The following CELSR2 variants were observed in gnomAD, a reference collection of about 807,000 sequenced individuals.
The protein encoded by CELSR2 is EGF-like protein 2.
Under a neutral mutation model 251.6 loss-of-function variants are expected in CELSR2, and 81 were observed. The ratio of observed to expected loss-of-function variants is 0.32; its 90% confidence interval spans 0.27 to 0.39. The LOEUF (loss-of-function observed/expected upper bound fraction) is 0.39. Ranked by LOEUF, CELSR2 falls within the 10% of genes least tolerant of loss-of-function variation. The pLI is 1.00. For missense variants in CELSR2, 3,365 were observed against 3,947.7 expected (o/e 0.85, Z 3.96); for synonymous variants, 1,721 against 1,670.5 (o/e 1.03, Z -0.74).
rs1375444156 is a variant in CELSR2 at position 109,273,753 on chromosome 1, G to C, written c.8744+83G>C. ...CCAGAGCTGCCTCCGGGCCTCCCCA[G>C]GTGACTCTGGATGGCATTTGGAGGA... On this transcript the variant is annotated intron_variant, in intron 33 of 33. Transcript: ENST00000271332. 2.6e-6 allele frequency: 3 copies of C among 1,156,254 alleles called. No homozygotes were observed. The East Asian group carries it at 7.7e-5, about 30-fold the overall frequency. The allele number at this position is 1,156,254 out of a possible 1,614,324, so 71.6% of individuals were successfully genotyped here. A position where few individuals can be genotyped will look rare whatever the true frequency, so the allele number is the denominator to read the frequency against.
intron 1 of CELSR2, among the ~76,000 whole-genome samples, chr1:109,255,698 C>T (rs1557728619): frequency 6.6e-6 from 1 of 152,230 alleles, no homozygotes; most frequent in East Asian, 1.9e-4. Flanking sequence ...CCCAGCTGTT[C>T]CTTTTCTGTC....
In CELSR2 at chr1:109,268,636, A is replaced by C; in HGVS notation, c.6374A>C (p.Glu2125Ala). 6.2e-7 allele frequency: 1 copy of C among 1,613,900 alleles called. No homozygotes were observed. The highest frequency in any genetic ancestry group is 8.5e-7 in the Non-Finnish European group (1 of 1,179,966). ...GACACAGCCAACAAGCGGCACTGGGAGCTGATCCAGCAGACAGAGGGTGGC... is the reference window on the plus strand; with the variant it reads ...GACACAGCCAACAAGCGGCACTGGGCGCTGATCCAGCAGACAGAGGGTGGC... ...LLDTANKRHWELIQQTEGGTA... is the reference protein window; with the variant it reads ...LLDTANKRHWALIQQTEGGTA... The change falls in exon 18 of 34, where the codon GAG (glutamate) becomes GCG (alanine). Residue 2125 changes from glutamate to alanine, a missense_variant. Coordinates refer to ENST00000271332, the MANE Select transcript of CELSR2 (RefSeq NM_001408.3).
chr1:109,250,856 C>A lies in CELSR2; in HGVS notation c.777C>A (p.Val259=). Reference sequence around the variant, plus strand: ...CCAAGAGCACCCACGTCTTCAGGGTCACGGCGCAGGACCACGGCATGCCCC... The same window carrying A: ...CCAAGAGCACCCACGTCTTCAGGGTAACGGCGCAGGACCACGGCATGCCCC... ...RETKSTHVFR[V]TAQDHGMPRR... is the part of the protein sequence containing the mutation. The change falls in exon 1 of 34, where the codon GTC becomes GTA. Residue 259 remains valine (V), a synonymous_variant. Transcript: ENST00000271332. The surrounding 1 kb of genome is among the most constrained non-coding windows in gnomAD (Gnocchi z 4.4). 1 of 1,614,044 alleles carries A rather than the reference C, an allele frequency of 6.2e-7. No homozygotes were observed. The highest frequency in any genetic ancestry group is 8.5e-7 in the Non-Finnish European group (1 of 1,180,038).
chr1:109,269,204 G>C lies in CELSR2; in HGVS notation c.6726G>C (p.Gln2242His). The C allele has an allele frequency of 6.2e-7, 1 of 1,612,812 alleles. No individual in the cohort carries two copies. The highest frequency in any genetic ancestry group is 8.5e-7 in the Non-Finnish European group (1 of 1,179,838). Reference sequence around the variant, plus strand: ...AGCGACGGCACCCGGAGCTGAGCCAGGGTGAGGCTGTGGCCAGCGTCATCA... The same window carrying C: ...AGCGACGGCACCCGGAGCTGAGCCACGGTGAGGCTGTGGCCAGCGTCATCA... ...RRQRRHPELS[Q>H]GEAVASVIIY... Residue 2242 changes from glutamine (Q) to histidine (H), a missense_variant, in exon 20 of 34, where the codon CAG becomes CAC. This residue lies in a region of CELSR2 where 2,093 missense variants were observed against 2,382.8 expected (regional missense o/e 0.88). Transcript: ENST00000271332. The surrounding 1 kb of genome is among the most constrained non-coding windows in gnomAD (Gnocchi z 6.4).
chr1:109,252,075 C>G lies in CELSR2; in HGVS notation c.1996C>G (p.Leu666Val). Reference sequence around the variant, plus strand: ...CATCACCAGCCAAAGTGGTGGTGGGCTGGTATCCCTTGCCCTGCCACTGGA... The same window carrying G: ...CATCACCAGCCAAAGTGGTGGTGGGGTGGTATCCCTTGCCCTGCCACTGGA... The part of the protein sequence containing the change: ...FSITSQSGGG[L>V]VSLALPLDYK... The change falls in exon 1 of 34, where the codon CTG (leucine) becomes GTG (valine). Residue 666 changes from leucine to valine, a missense_variant. By Grantham distance (32) the Leu-to-Val change is conservative (BLOSUM62 1). Around this residue, in one of 5 missense-constraint regions of CELSR2, gnomAD observed 60 missense variants for 104.8 expected, o/e 0.57. Coordinates refer to ENST00000271332, the MANE Select transcript of CELSR2 (RefSeq NM_001408.3). The surrounding 1 kb of genome is among the most constrained non-coding windows in gnomAD (Gnocchi z 4.8). The G allele has an allele frequency of 6.2e-7, 1 of 1,613,936 alleles. No homozygotes were observed. The highest frequency in any genetic ancestry group is 2.2e-5 in the East Asian group (1 of 44,898).
In CELSR2 at chr1:109,250,128, C is replaced by T; in HGVS notation, c.49C>T (p.Leu17=). 6.3e-7 allele frequency: 1 copy of T among 1,588,318 alleles called. No individual in the cohort carries two copies. The highest frequency in any genetic ancestry group is 2.4e-5 in the East Asian group (1 of 42,460). ...CCCCCTCCCAACGCCGCCGCCGCCG[C>T]TGCTGCTGCTGTTGCTGCTGCTGCT... ...GVPLPTPPPP[L]LLLLLLLLPP... is the part of the protein sequence containing the mutation. The change falls in exon 1 of 34, where the codon CTG becomes TTG. Residue 17 remains leucine (L), a synonymous_variant. Coordinates refer to ENST00000271332, the MANE Select transcript of CELSR2 (RefSeq NM_001408.3). This position sits in a 1 kb window ranked among gnomAD's most constrained non-coding sequence, Gnocchi z 4.4.
rs1189122820 is a variant in CELSR2 at position 109,265,002 on chromosome 1, G to A, written c.5599G>A (p.Glu1867Lys). 8 of 1,614,180 alleles carry A rather than the reference G, an allele frequency of 5.0e-6. No individual in the cohort carries two copies. Among genetic ancestry groups the A allele is most frequent in the South Asian group, 4.4e-5 (4 of 91,084 alleles). Reference protein sequence around the residue: ...CPPNYLGPYCETRIDQPCPRG... With the variant: ...CPPNYLGPYCKTRIDQPCPRG... Reference sequence around the variant, plus strand: ...CCCAAATTACCTTGGGCCATACTGTGAGACCAGGTAAGCAGACCAGGGCAT... The same window carrying A: ...CCCAAATTACCTTGGGCCATACTGTAAGACCAGGTAAGCAGACCAGGGCAT... The change falls in exon 12 of 34, where the codon GAG becomes AAG. Residue 1867 changes from glutamate to lysine, a missense_variant. Physicochemically the swap from Glu to Lys is moderately conservative, Grantham distance 56. Transcript: ENST00000271332.
chr1:109,262,992 C>G lies in CELSR2; in HGVS notation c.4708+23C>G, dbSNP rs899164199. ...CTGGTATGGGGGCCCGGGGTGGAGC[C>G]AGGCTGGGATCCCAGTGCTGAGAGG... On this transcript the variant is annotated intron_variant, in intron 7 of 33. Coordinates refer to ENST00000271332, the MANE Select transcript of CELSR2 (RefSeq NM_001408.3). 4 of 1,606,814 alleles carry G rather than the reference C, an allele frequency of 2.5e-6. No homozygotes were observed. In the African/African-American group the frequency reaches 5.3e-5, roughly 21 times the overall value.
Position 109,261,403 on chromosome 1 carries a change from G to T in CELSR2, c.4182-110G>T. The stretch of plus-strand genomic sequence containing the variant: ...CAGAGCCAGGTCTGCTCTTGGAGTT[G>T]CCTGTGGTTCTGCCAGCAGATCTCC... On this transcript the variant is annotated intron_variant, in intron 3 of 33. Coordinates refer to ENST00000271332, the MANE Select transcript of CELSR2 (RefSeq NM_001408.3). This position sits in a 1 kb window ranked among gnomAD's most constrained non-coding sequence, Gnocchi z 4.8. The T allele has an allele frequency of 1.5e-6, 2 of 1,351,372 alleles. No individual in the cohort carries two copies. The highest frequency in any genetic ancestry group is 1.1e-6 in the Non-Finnish European group (1 of 948,366). The allele number at this position is 1,351,372 out of a possible 1,614,324, so 83.7% of individuals were successfully genotyped here.
chr1:109,261,480 C>T lies in CELSR2; in HGVS notation c.4182-33C>T, dbSNP rs758037639. 5 of 1,589,398 alleles carry T rather than the reference C, an allele frequency of 3.1e-6. No individual in the cohort carries two copies. The highest frequency in any genetic ancestry group is 2.2e-5 in the South Asian group (2 of 90,554). On this transcript the variant is annotated intron_variant, in intron 3 of 33. Transcript: ENST00000271332. This position sits in a 1 kb window ranked among gnomAD's most constrained non-coding sequence, Gnocchi z 4.8. ...GGTGCTGGCATCCAGGTGGGTACCC[C>T]ATTCCCTGCCCCCATCCCCAACTCC... is the stretch of plus-strand genomic sequence containing the variant.
rs1171817938 is a variant in CELSR2 at position 109,251,242 on chromosome 1, C to G, written c.1163C>G (p.Ser388Cys). 1.2e-6 allele frequency: 2 copies of G among 1,613,990 alleles called. No homozygotes were observed. The highest frequency in any genetic ancestry group is 2.7e-5 in the African/African-American group (2 of 74,918). The change falls in exon 1 of 34, where the codon TCT (serine) becomes TGT (cysteine). Residue 388 changes from serine (S) to cysteine (C), a missense_variant. Coordinates refer to ENST00000271332, the MANE Select transcript of CELSR2 (RefSeq NM_001408.3). The surrounding 1 kb of genome is among the most constrained non-coding windows in gnomAD (Gnocchi z 4.9). ...AGTACCACAGCCGCTGTTTTCCTTT[C>G]TGTGGAGGATGACAATGATAATGCC... ...PRSTTAAVFL[S>C]VEDDNDNAPQ... is the part of the protein sequence containing the mutation.
chr1:109,252,252 C>T lies in CELSR2; in HGVS notation c.2173C>T (p.Arg725Trp), dbSNP rs1439941665. 3.1e-6 allele frequency: 5 copies of T among 1,613,370 alleles called. No homozygotes were observed. The highest frequency in any genetic ancestry group is 1.7e-5 in the Admixed American group (1 of 60,012). Residue 725 changes from arginine (R) to tryptophan (W), a missense_variant, in exon 1 of 34, where the codon CGG becomes TGG. Coordinates refer to ENST00000271332, the MANE Select transcript of CELSR2 (RefSeq NM_001408.3). This position sits in a 1 kb window ranked among gnomAD's most constrained non-coding sequence, Gnocchi z 4.8. ...SHYTVNVNED[R>W]PAGTTVVLIS... ...CTATACAGTGAATGTTAATGAGGACCGGCCGGCAGGCACCACGGTGGTGCT... is the reference window on the plus strand; with the variant it reads ...CTATACAGTGAATGTTAATGAGGACTGGCCGGCAGGCACCACGGTGGTGCT...
In CELSR2 at chr1:109,270,468, C is replaced by A; in HGVS notation, c.7351C>A (p.Leu2451Ile). ...VIAILLHFLYLCTFSWALLEA... is the reference protein window; with the variant it reads ...VIAILLHFLYICTFSWALLEA... ...TGCCATCCTGCTGCACTTCCTGTAC[C>A]TCTGCACCTTTTCCTGGGCTCTGCT... Residue 2451 changes from leucine to isoleucine, a missense_variant, in exon 24 of 34, where the codon CTC becomes ATC. Physicochemically the swap from Leu to Ile is conservative, Grantham distance 5. Around this residue, in one of 5 missense-constraint regions of CELSR2, gnomAD observed 2,093 missense variants for 2,382.8 expected, o/e 0.88. Transcript: ENST00000271332. The A allele has an allele frequency of 6.2e-7, 1 of 1,614,244 alleles. No homozygotes were observed. The highest frequency in any genetic ancestry group is 8.5e-7 in the Non-Finnish European group (1 of 1,180,044).
rs780762742 is a variant in CELSR2, at chr1:109,259,078, G to A, written c.3957G>A (p.Thr1319=). 6 of 1,573,974 alleles carry A rather than the reference G, an allele frequency of 3.8e-6. No individual in the cohort carries two copies. Among genetic ancestry groups the A allele is most frequent in the Middle Eastern group, 1.7e-4 (1 of 5,982 alleles). ...CCTGCCTCTGTCGTGATGGCTACAC[G>A]GGTGAGCCAAGGGAGGGGACTCATG... The part of the protein sequence containing the change: ...GYTCLCRDGY[T]GEHCEVSARS... Residue 1319 remains threonine, a splice_region_variant and synonymous_variant, in exon 2 of 34, where the codon ACG becomes ACA. Coordinates refer to ENST00000271332, the MANE Select transcript of CELSR2 (RefSeq NM_001408.3).
rs376736015 is a variant in CELSR2, at chr1:109,252,432, A to G, written c.2353A>G (p.Ile785Val). 4 of 1,613,414 alleles carry G rather than the reference A, an allele frequency of 2.5e-6. No homozygotes were observed. In the African/African-American group the frequency reaches 4.0e-5, roughly 16 times the overall value. Residue 785 changes from isoleucine to valine, a missense_variant, in exon 1 of 34, where the codon ATT becomes GTT. By Grantham distance (29) the Ile-to-Val change is conservative. Around this residue, in one of 5 missense-constraint regions of CELSR2, gnomAD observed 505 missense variants for 660.0 expected, o/e 0.77. Coordinates refer to ENST00000271332, the MANE Select transcript of CELSR2 (RefSeq NM_001408.3). The surrounding 1 kb of genome is among the most constrained non-coding windows in gnomAD (Gnocchi z 4.8). ...YEDQVSYTLA[I>V]TARDNGIPQK... is the part of the protein sequence containing the mutation. ...AGACCAAGTGTCTTACACCCTGGCC[A>G]TTACTGCTCGGGACAATGGCATTCC... is the stretch of plus-strand genomic sequence containing the variant.
chr1:109,273,363 G>A (rs1258690097), intron 32 of CELSR2, 27 bp downstream of exon 32: 3 of 1,604,392 alleles, frequency 1.9e-6, no homozygotes, highest in South Asian at 2.2e-5. Context: ...CAGCTGCCGA[G>A]CTCCCCTAGT....
chr1:109,258,902 G>A lies in CELSR2; in HGVS notation c.3781G>A (p.Val1261Met), dbSNP rs1167877535. The change falls in exon 2 of 34, where the codon GTG becomes ATG. Residue 1261 changes from valine to methionine, a missense_variant. Val to Met is a conservative substitution (Grantham distance 21). This residue lies in a region of CELSR2 where 2,093 missense variants were observed against 2,382.8 expected (regional missense o/e 0.88). Transcript: ENST00000271332. ...SSAPFIASSS[V>M]LFRPIHPVGG... ...CGCGCCCTTCATCGCCTCCTCCTCC[G>A]TGCTCTTCCGGCCCATCCACCCCGT... is the stretch of plus-strand genomic sequence containing the variant. 5 of 1,612,388 alleles carry A rather than the reference G, an allele frequency of 3.1e-6. No individual in the cohort carries two copies. Among genetic ancestry groups the A allele is most frequent in the Non-Finnish European group, 4.2e-6 (5 of 1,179,450 alleles).
intron 23 of CELSR2, 62 bp from the exon 24 acceptor site, chr1:109,270,364 G>C (rs767990769): frequency 2.5e-6 from 4 of 1,575,934 alleles, no homozygotes; most frequent in Non-Finnish European, 3.5e-6. Context: ...TGCCTGACCC[G>C]AAGCAGAGCC....
intron 6 of CELSR2, 51 bp downstream of exon 6, chr1:109,262,495 CAGGG>C: frequency 6.3e-7 from 1 of 1,594,808 alleles, no homozygotes; most frequent in Non-Finnish European, 8.5e-7. Flanking sequence ...CAGGGCCAGG[CAGGG>C]AGGGAAGGTG....
Sources: gnomAD v4.1 joint callset for allele counts (sites outside exome capture counted in the v4.1 genomes callset) on GRCh38, gnomAD v4.1.1 for gene constraint, gnomAD v4.1.1 regional missense constraint, Gnocchi (gnomAD v3.1) non-coding constraint, MANE v1.5 for transcripts, NCBI Gene and HGNC (gene_info 2026-07-23, HGNC 2026-07-21) for gene names.